LAS1L: variants seen among roughly 807,000 people sequenced by gnomAD.
LAS1L encodes the protein LAS1 like ribosome biogenesis factor.
In LAS1L, 5 loss-of-function variants were observed where a neutral mutation model predicts 57.3. The ratio of observed to expected loss-of-function variants is 0.09; its 90% CI spans 0.05 to 0.18. The LOEUF (loss-of-function observed/expected upper bound fraction) is 0.18. Among genes scored for constraint, LAS1L ranks in the 10% least tolerant of loss-of-function variants. The pLI, the probability that LAS1L is intolerant of heterozygous loss-of-function variation, is 1.00. For missense variants in LAS1L, 360 were observed against 568.3 expected (o/e 0.63, Z 3.73); for synonymous variants, 245 against 231.7 (o/e 1.06, Z -0.52).
chrX:65,515,419 CCA>C (rs2068594899), intron 12 of LAS1L, among the ~76,000 whole-genome samples: 1 of 110,510 alleles, frequency 9.0e-6, no homozygotes, highest in Non-Finnish European at 1.9e-5. Context: ...CCCTCAAACC[CCA>C]AACCCACCAG....
chrX:65,513,262 C>A (rs2068510677), intron 13 of LAS1L, among the ~76,000 whole-genome samples: 1 of 112,358 alleles, frequency 8.9e-6, no homozygotes, highest in South Asian at 3.6e-4. Flanking sequence ...CCTTTCAAGG[C>A]CTTAGAGCTT....
chrX:65,515,884 C>T (rs1479493447), intron 12 of LAS1L, among the ~76,000 whole-genome samples: 1 of 111,827 alleles, frequency 8.9e-6, no homozygotes, highest in Non-Finnish European at 1.9e-5. Context: ...TCACAACTCA[C>T]ATCCCCCCAT....
At chrX:65,531,762 A>G (rs759813723) in intron 3 of LAS1L, among the ~76,000 whole-genome samples, 12 of 111,926 alleles carry the variant, frequency 1.1e-4, no homozygotes, top group Admixed American at 4.7e-4. Flanking sequence ...AGCCTGGCCA[A>G]GATGGTGAAA....
chrX:65,528,147 C>T (rs891792683), intron 7 of LAS1L, 113 bp downstream of exon 7: 19 of 491,134 alleles, frequency 3.9e-5, no homozygotes, highest in Non-Finnish European at 6.4e-5. Context: ...CAGGATTATC[C>T]CTGGGATTTT....
chrX:65,521,252 C>A, intron 11 of LAS1L: 1 of 754,180 alleles, frequency 1.3e-6, no homozygotes, highest in Non-Finnish European at 1.6e-6. Context: ...TTCATTCATT[C>A]CCCAGGCACT....
At chrX:65,524,020 G>T in intron 10 of LAS1L, 36 bp downstream of exon 10, 1 of 1,168,307 alleles carries the variant, frequency 8.6e-7, no homozygotes, top group African/African-American at 1.7e-5. Flanking sequence ...TGCCTGGGCT[G>T]CCTTAGGCCC....
At chrX:65,525,445 G>T (rs2069076042) in intron 7 of LAS1L, among the ~76,000 whole-genome samples, 1 of 111,379 alleles carries the variant, frequency 9.0e-6, no homozygotes, top group African/African-American at 3.3e-5. Flanking sequence ...CTTGCAGTCT[G>T]TTTATCTTGA....
rs57356313 is a variant in LAS1L, at chrX:65,516,636, TACACACACACACACACAC to T, written c.1927+1333_1927+1350del. The stretch of plus-strand genomic sequence containing the variant: ...TGCCCCTACTTTTCCCTTTTTCCTA[TACACACACACACACACAC>T]ACACACACACACACACACACACACA... On this transcript the variant is annotated intron_variant, in intron 12 of 13. Transcript: ENST00000374811. 3.3e-4 allele frequency among the ~76,000 whole-genome samples: 30 copies of T among 89,586 alleles called. No homozygotes were observed. The East Asian group carries it at 9.7e-3, about 29-fold the overall frequency. The allele number at this position is 89,586 out of a possible 115,157, so 77.8% of individuals were successfully genotyped here.
At position 65,518,372 on chromosome X, in the gene LAS1L, G is replaced by A; in HGVS notation, c.1542C>T (p.Ser514=). Residue 514 remains serine, a synonymous_variant, in exon 12 of 14, where the codon AGC becomes AGT. Coordinates refer to ENST00000374811, the MANE Select transcript of LAS1L (RefSeq NM_031206.7). ...AGGCCTCAGAGCCCTCCTGCACCAG[G>A]CTGTTTTCTCCACTCTGGGTATAAA... ...CSIYTQSGEN[S]LVQEGSEASP... The A allele has an allele frequency of 8.2e-7, 1 of 1,212,273 alleles. No individual in the cohort carries two copies. The highest frequency in any genetic ancestry group is 1.1e-6 in the Non-Finnish European group (1 of 895,611).
intron 3 of LAS1L, 54 bp from the exon 4 acceptor site, chrX:65,531,492 G>A: frequency 1.1e-6 from 1 of 891,766 alleles, no homozygotes. Flanking sequence ...TATTAAAGCT[G>A]GAAGGGAGCC....
chrX:65,529,569 G>A (rs780245971), intron 5 of LAS1L, 25 bp downstream of exon 5: 38 of 1,196,866 alleles, frequency 3.2e-5, no homozygotes, highest in Admixed American at 4.5e-5. Context: ...CTCATGGGCC[G>A]CTTTCTGCCC....
At chrX:65,520,486 T>C (rs1174338433) in intron 11 of LAS1L, 4 of 753,197 alleles carry the variant, frequency 5.3e-6, no homozygotes, top group Middle Eastern at 7.4e-4. Context: ...CCAAGTTCTG[T>C]GTTTAACAGA....
chrX:65,531,829 G>C (rs1206654506), intron 3 of LAS1L, among the ~76,000 whole-genome samples: 1 of 111,774 alleles, frequency 8.9e-6, no homozygotes, highest in Non-Finnish European at 1.9e-5. Context: ...GCTGAGGCAC[G>C]AGAATTGCTT....
intron 11 of LAS1L, chrX:65,521,229 T>A (rs1213744315): frequency 1.3e-6 from 1 of 751,978 alleles, no homozygotes; most frequent in Non-Finnish European, 1.6e-6. Flanking sequence ...GGTCTTGGCA[T>A]CCAGACTCCC....
Position 65,534,673 on chromosome X carries a change from C to G in LAS1L, c.43G>C (p.Gly15Arg), listed in dbSNP as rs1348187426. Residue 15 changes from glycine (G) to arginine (R), a missense_variant, in exon 1 of 14, where the codon GGG (glycine) becomes CGG (arginine). By Grantham distance (125) the Gly-to-Arg change is moderately radical. Coordinates refer to ENST00000374811, the MANE Select transcript of LAS1L (RefSeq NM_031206.7). ...SGAGPGLGSQ[G>R]MDLVWSAWYG... ...CACGCACTCCACACGAGATCCATCC[C>G]CTGGGAACCTAGACCTGGCCCGGCC... 8 of 1,183,111 alleles carry G rather than the reference C, an allele frequency of 6.8e-6. No homozygotes were observed. Among genetic ancestry groups the G allele is most frequent in the Non-Finnish European group, 9.1e-6 (8 of 881,987 alleles).
intron 4 of LAS1L, among the ~76,000 whole-genome samples, 196 bp downstream of exon 4, chrX:65,531,161 G>C (rs1041489714): frequency 2.7e-5 from 3 of 112,229 alleles, no homozygotes; most frequent in African/African-American, 9.7e-5. Flanking sequence ...ACATTAATAT[G>C]TTATTTATCT....
chrX:65,527,852 TA>T lies in LAS1L; in HGVS notation c.956+407del, dbSNP rs768294314. Among the ~76,000 whole-genome samples the T allele has an allele frequency of 5.4e-4, 57 of 105,544 alleles. 1 individual carries two copies. Among genetic ancestry groups the T allele is most frequent in the African/African-American group, 1.5e-3 (44 of 29,063 alleles). 91.7% of individuals were successfully genotyped at this position (105,544 alleles called of 115,157 possible). A position where few individuals can be genotyped will look rare whatever the true frequency, so the allele number is the denominator to read the frequency against. On this transcript the variant is annotated intron_variant, in intron 7 of 13. Coordinates refer to ENST00000374811, the MANE Select transcript of LAS1L (RefSeq NM_031206.7). ...TTTCTCAAAAAAAATAAATAAAAAA[TA>T]AAAAAAAAACAAGACAAGACTAGCA...
At chrX:65,520,611 C>G (rs2068810995) in intron 11 of LAS1L, 1 of 752,621 alleles carries the variant, frequency 1.3e-6, no homozygotes, top group African/African-American at 2.3e-5. Context: ...TGGGCAAACC[C>G]CCTCTGTTCT....
Position 65,534,497 on chromosome X carries a change from G to A in LAS1L, c.219C>T (p.Ile73=), listed in dbSNP as rs200273194. The A allele has an allele frequency of 4.1e-6, 5 of 1,205,228 alleles. No homozygotes were observed. The highest frequency in any genetic ancestry group is 5.6e-6 in the Non-Finnish European group (5 of 891,842). ...HKLQRYALNR[I]TVWRSRSGNE... is the part of the protein sequence containing the mutation. ...CACCTTACCTGCTCCTCCACACCGT[G>A]ATGCGGTTAAGCGCGTACCGCTGCA... The change falls in exon 1 of 14, where the codon ATC becomes ATT. Residue 73 remains isoleucine (I), a synonymous_variant. Transcript: ENST00000374811.
Sources: allele counts gnomAD v4.1 joint callset (sites outside exome capture counted in the v4.1 genomes callset), GRCh38; gene constraint gnomAD v4.1.1; transcripts MANE v1.5; gene names NCBI Gene and HGNC (gene_info 2026-07-23, HGNC 2026-07-21).